The following NRG1 variants were observed in gnomAD, a reference collection of about 807,000 sequenced individuals.
The protein encoded by NRG1 is pro-neuregulin-1, membrane-bound isoform.
In NRG1, 18 loss-of-function variants were observed where a neutral mutation model predicts 63.8. That is an observed-to-expected ratio of 0.28 (90% confidence interval 0.19 to 0.42). The LOEUF (loss-of-function observed/expected upper bound fraction) is 0.42, where lower values mean the gene tolerates loss of function less well. NRG1 is among the 10% of genes least tolerant of loss of function. The probability of loss-of-function intolerance (pLI) is 1.00; values close to 1 mark genes in which losing one functional copy is unlikely to be tolerated. For missense variants in NRG1, 762 were observed against 814.7 expected, an observed-to-expected ratio of 0.94 and a Z score of 0.79; for synonymous variants, 302 against 301.3, an observed-to-expected ratio of 1.00 and a Z score of -0.02.
At chr8:31,918,507 T>C (rs1433414153) in intron 1 of NRG1, among the ~76,000 whole-genome samples, 2 of 152,370 alleles carry the variant, frequency 1.3e-5, no homozygotes, top group Non-Finnish European at 1.5e-5. Context: ...ATTACATTTA[T>C]TGATTTGCGT....
chr8:32,206,664 G>A (rs1159447372), intron 1 of NRG1, among the ~76,000 whole-genome samples: 3 of 152,090 alleles, frequency 2.0e-5, no homozygotes, highest in African/African-American at 7.2e-5. Flanking sequence ...TAGATTTAGG[G>A]GGTACAAGTG....
intron 1 of NRG1, among the ~76,000 whole-genome samples, chr8:31,887,289 C>T (rs1830793489): frequency 6.6e-6 from 1 of 151,980 alleles, no homozygotes. Context: ...AATTAGAGTA[C>T]AGTATTTTAA....
At chr8:32,640,148 G>A (rs1237216554) in intron 5 of NRG1, among the ~76,000 whole-genome samples, 2 of 152,012 alleles carry the variant, frequency 1.3e-5, no homozygotes, top group Admixed American at 1.3e-4. Context: ...AAGCCAATAT[G>A]TATTGCTCCA....
At chr8:32,662,976 C>T (rs573014801) in intron 5 of NRG1, among the ~76,000 whole-genome samples, 1 of 152,090 alleles carries the variant, frequency 6.6e-6, no homozygotes, top group Non-Finnish European at 1.5e-5. Flanking sequence ...ACTAGAGATC[C>T]TTATAAATAC....
chr8:32,054,778 A>G (rs933187637), intron 1 of NRG1, among the ~76,000 whole-genome samples: 1 of 150,212 alleles, frequency 6.7e-6, no homozygotes, highest in African/African-American at 2.4e-5. Context: ...TCTTCAGCAT[A>G]ATCTTCCATC....
At chr8:32,386,810 C>G (rs1811080479) in intron 1 of NRG1, among the ~76,000 whole-genome samples, 1 of 152,108 alleles carries the variant, frequency 6.6e-6, no homozygotes, top group Admixed American at 6.5e-5. Context: ...ACTCCTAGAC[C>G]CATGCAGATA....
intron 1 of NRG1, among the ~76,000 whole-genome samples, chr8:32,399,477 G>A (rs192325599): frequency 4.6e-4 from 70 of 152,260 alleles, no homozygotes; most frequent in African/African-American, 1.6e-3. Flanking sequence ...GGCAGAGGGC[G>A]GCAGATCACC....
chr8:32,461,793 A>C (rs575856079), intron 1 of NRG1, among the ~76,000 whole-genome samples: 1 of 152,186 alleles, frequency 6.6e-6, no homozygotes, highest in African/African-American at 2.4e-5. Flanking sequence ...CCACTTAATA[A>C]TCTAACCAAC....
chr8:32,182,349 C>A (rs966165594), intron 1 of NRG1, among the ~76,000 whole-genome samples: 2 of 152,130 alleles, frequency 1.3e-5, no homozygotes, highest in African/African-American at 4.8e-5. Context: ...TGGGTTCAAG[C>A]AACTCTCCTG....
chr8:31,957,277 G>GTT (rs1435102641), intron 1 of NRG1, among the ~76,000 whole-genome samples: 2 of 150,828 alleles, frequency 1.3e-5, no homozygotes, highest in Non-Finnish European at 2.9e-5. Flanking sequence ...AATTTTTACT[G>GTT]TAACACACAC....
Position 32,602,129 on chromosome 8 carries a change from A to T in NRG1, c.279-3433A>T, listed in dbSNP as rs541425586. On this transcript the variant is annotated intron_variant, in intron 2 of 11. Coordinates refer to ENST00000356819, the Ensembl canonical transcript of NRG1. ...TCTCCATAGAAAAGATTCCATGGCC[A>T]CATGTCATGGCTGCCTTAGAAATTC... 9.2e-5 allele frequency among the ~76,000 whole-genome samples: 14 copies of T among 152,278 alleles called. No individual in the cohort carries two copies. The East Asian group carries it at 2.5e-3, about 27-fold the overall frequency.
At chr8:32,673,507 C>T (rs1806245080) in intron 5 of NRG1, among the ~76,000 whole-genome samples, 1 of 152,188 alleles carries the variant, frequency 6.6e-6, no homozygotes, top group Non-Finnish European at 1.5e-5. Context: ...ACTCTTTCCA[C>T]TTCCAGCATT....
intron 1 of NRG1, among the ~76,000 whole-genome samples, chr8:31,741,838 T>G (rs1815308305): frequency 1.3e-5 from 2 of 152,082 alleles, no homozygotes; most frequent in South Asian, 4.2e-4. Flanking sequence ...CAATCCTATA[T>G]ATGCTGTCTA....
chr8:31,641,318 G>A (rs1803758363), intron 1 of NRG1, among the ~76,000 whole-genome samples: 1 of 147,530 alleles, frequency 6.8e-6, no homozygotes, highest in Non-Finnish European at 1.5e-5. Context: ...GAATTATAAA[G>A]TTGTTATTGG....
chr8:31,779,412 G>A (rs751610353), intron 1 of NRG1, among the ~76,000 whole-genome samples: 44 of 151,928 alleles, frequency 2.9e-4, no homozygotes, highest in Admixed American at 7.9e-4. Context: ...GCTTTTCTCC[G>A]GTGTCACAAG....
At chr8:32,691,257 G>A (rs979729530) in intron 5 of NRG1, among the ~76,000 whole-genome samples, 2 of 152,124 alleles carry the variant, frequency 1.3e-5, no homozygotes, top group African/African-American at 2.4e-5. Context: ...CTACTTGGGA[G>A]GCAGGAGAAT....
chr8:31,647,251 C>G (rs7015289), intron 1 of NRG1, among the ~76,000 whole-genome samples: 31,772 of 152,196 alleles, frequency 0.21, 4,332 homozygotes, highest in East Asian at 0.57. Flanking sequence ...CAGCTTATAT[C>G]CCTAAGAAGT....
At chr8:32,503,995 A>C (rs762966652) in intron 1 of NRG1, among the ~76,000 whole-genome samples, 1 of 152,162 alleles carries the variant, frequency 6.6e-6, no homozygotes, top group African/African-American at 2.4e-5. Context: ...CCGCATGCAC[A>C]GTGTGTTTAC....
chr8:31,965,227 ATT>A lies in NRG1; in HGVS notation c.37+325808_37+325809del, dbSNP rs57191876. Among the ~76,000 whole-genome samples, 99 of 144,806 alleles carry A rather than the reference ATT, an allele frequency of 6.8e-4. No homozygotes were observed. In the South Asian group the frequency reaches 0.01, roughly 15 times the overall value. The allele number at this position is 144,806 out of a possible 152,430, so 95.0% of individuals were successfully genotyped here. The stretch of plus-strand genomic sequence containing the variant: ...TCATATACAAGAGCAGATGTCTTTT[ATT>A]TTTTTTTTTTTGAGACAGAGTCTCA... On this transcript the variant is annotated intron_variant, in intron 1 of 10. Transcript: ENST00000519301.
Sources: allele counts gnomAD v4.1 joint callset (sites outside exome capture counted in the v4.1 genomes callset), GRCh38; gene constraint gnomAD v4.1.1; transcripts MANE v1.5; gene names NCBI Gene and HGNC (gene_info 2026-07-23, HGNC 2026-07-21).